MYOCD: variants seen among roughly 807,000 people sequenced by gnomAD.
MYOCD encodes myocardin.
MYOCD carries 32 observed loss-of-function variants against 96.1 expected under a neutral mutation model. The ratio of observed to expected loss-of-function variants is 0.33; its 90% CI spans 0.25 to 0.45. The LOEUF is 0.45. Among genes scored for constraint, MYOCD ranks in the 20% least tolerant of loss-of-function variants. The pLI is 1.00. For synonymous variants in MYOCD, 469 were observed against 469.0 expected (o/e 1.00, Z 0.00); for missense variants, 1,133 against 1,200.6 (o/e 0.94, Z 0.83).
At chr17:12,667,311 G>A (rs1434328809) in intron 1 of MYOCD, among the ~76,000 whole-genome samples, 2 of 152,170 alleles carry the variant, frequency 1.3e-5, no homozygotes, top group Non-Finnish European at 2.9e-5. Flanking sequence ...AGATGCCTGT[G>A]GAGTCAACTG....
At chr17:12,751,616 T>C (rs1279440969) in intron 9 of MYOCD, among the ~76,000 whole-genome samples, 1 of 152,216 alleles carries the variant, frequency 6.6e-6, no homozygotes, top group East Asian at 1.9e-4. Context: ...AAGTGCTTTA[T>C]ACATTTTAAG....
chr17:12,742,153 C>T (rs1350214915), intron 7 of MYOCD, among the ~76,000 whole-genome samples: 2 of 152,062 alleles, frequency 1.3e-5, no homozygotes, highest in East Asian at 1.9e-4. Flanking sequence ...GAGCTGGTTT[C>T]GGGAGCCCTG....
chr17:12,673,761 C>T (rs1467218045), intron 1 of MYOCD, among the ~76,000 whole-genome samples: 1 of 152,134 alleles, frequency 6.6e-6, no homozygotes, highest in African/African-American at 2.4e-5. Context: ...GTAATGATGG[C>T]TAGTGTTTTT....
At chr17:12,730,337 A>T (rs1018380805) in intron 5 of MYOCD, among the ~76,000 whole-genome samples, 1 of 151,856 alleles carries the variant, frequency 6.6e-6, no homozygotes, top group African/African-American at 2.4e-5. Flanking sequence ...AATCCCAGCT[A>T]CTTGGGAGGC....
chr17:12,702,969 A>G (rs1413619555), intron 1 of MYOCD, among the ~76,000 whole-genome samples: 1 of 151,970 alleles, frequency 6.6e-6, no homozygotes, highest in East Asian at 1.9e-4. Flanking sequence ...GACATTCTTT[A>G]TTCATTCCTG....
At chr17:12,735,474 A>G (rs541911897) in intron 5 of MYOCD, among the ~76,000 whole-genome samples, 71 of 152,230 alleles carry the variant, frequency 4.7e-4, no homozygotes, top group African/African-American at 1.5e-3. Flanking sequence ...AGGAATTCCA[A>G]AATAGACACA....
chr17:12,696,226 C>A (rs2030744602), intron 1 of MYOCD, among the ~76,000 whole-genome samples: 1 of 152,040 alleles, frequency 6.6e-6, no homozygotes, highest in Non-Finnish European at 1.5e-5. Flanking sequence ...GGTCCGCCCG[C>A]CTCGACCTCC....
intron 4 of MYOCD, among the ~76,000 whole-genome samples, chr17:12,721,099 T>A (rs1725986250): frequency 6.6e-6 from 1 of 152,064 alleles, no homozygotes; most frequent in Admixed American, 6.6e-5. Context: ...TGCACACTTT[T>A]TTTTTTTAGC....
chr17:12,713,956 T>C (rs953594532), intron 2 of MYOCD, among the ~76,000 whole-genome samples: 2 of 152,146 alleles, frequency 1.3e-5, no homozygotes, highest in African/African-American at 4.8e-5. Flanking sequence ...CAAAGATAAC[T>C]GAAAAACAAT....
At chr17:12,709,436 G>A (rs1254955160) in intron 2 of MYOCD, among the ~76,000 whole-genome samples, 1 of 152,116 alleles carries the variant, frequency 6.6e-6, no homozygotes, top group African/African-American at 2.4e-5. Flanking sequence ...TTGACTTTTA[G>A]TCAAGACAGG....
intron 7 of MYOCD, among the ~76,000 whole-genome samples, chr17:12,743,898 G>T (rs1387025114): frequency 2.0e-5 from 3 of 152,090 alleles, no homozygotes; most frequent in Non-Finnish European, 4.4e-5. Flanking sequence ...TGAAACACAG[G>T]ATTACATTTT....
At chr17:12,686,778 C>G (rs1436616697) in intron 1 of MYOCD, among the ~76,000 whole-genome samples, 1 of 152,134 alleles carries the variant, frequency 6.6e-6, no homozygotes, top group Non-Finnish European at 1.5e-5. Flanking sequence ...TGAAAGCCCA[C>G]CACCATCTGC....
rs758932814 is a variant in MYOCD at position 12,722,937 on chromosome 17, G to A, written c.344G>A (p.Arg115Gln). Reference sequence around the variant, plus strand: ...GATCTCAATGAAAAAATTGCTCTACGACCAGGGCCACTGGAGCTGGTGGAA... The same window carrying A: ...GATCTCAATGAAAAAATTGCTCTACAACCAGGGCCACTGGAGCTGGTGGAA... ...ADDLNEKIAL[R>Q]PGPLELVEKN... The change falls in exon 5 of 14, where the codon CGA becomes CAA. Residue 115 changes from arginine (R) to glutamine (Q), a missense_variant. Coordinates refer to ENST00000425538, the MANE Select transcript of MYOCD (RefSeq NM_001146312.3). 19 of 1,613,850 alleles carry A rather than the reference G, an allele frequency of 1.2e-5. No homozygotes were observed. Among genetic ancestry groups the A allele is most frequent in the Non-Finnish European group, 1.4e-5 (17 of 1,179,958 alleles).
At chr17:12,706,377 GT>G (rs2150675011) in intron 2 of MYOCD, among the ~76,000 whole-genome samples, 1 of 152,304 alleles carries the variant, frequency 6.6e-6, no homozygotes, top group South Asian at 2.1e-4. Context: ...TTCTTTGGAG[GT>G]GCTAAAGACA....
chr17:12,746,307 G>C (rs1204767120), intron 9 of MYOCD, among the ~76,000 whole-genome samples: 1 of 152,208 alleles, frequency 6.6e-6, no homozygotes, highest in African/African-American at 2.4e-5. Context: ...AAAAGAAAAG[G>C]AATTTATTTC....
intron 5 of MYOCD, among the ~76,000 whole-genome samples, chr17:12,734,230 T>C (rs1303251283): frequency 6.6e-6 from 1 of 152,126 alleles, no homozygotes; most frequent in Non-Finnish European, 1.5e-5. Context: ...AAGGTCCACA[T>C]GCATTTAGAC....
intron 10 of MYOCD, among the ~76,000 whole-genome samples, chr17:12,754,261 T>C (rs1041897119): frequency 2.0e-5 from 3 of 152,012 alleles, no homozygotes; most frequent in Non-Finnish European, 2.9e-5. Flanking sequence ...CACACCACCA[T>C]GCCTGGCTAT....
In MYOCD at chr17:12,746,088, T is replaced by A. The variant is rs771015330; in HGVS notation, c.1125+16T>A. On this transcript the variant is annotated intron_variant, in intron 9 of 13. Coordinates refer to ENST00000425538, the MANE Select transcript of MYOCD (RefSeq NM_001146312.3). Reference sequence around the variant, plus strand: ...TGATCTGAAGGTATAGGATTTGACATGAGTTTCTTTCTTTTTTTAAACAAA... The same window carrying A: ...TGATCTGAAGGTATAGGATTTGACAAGAGTTTCTTTCTTTTTTTAAACAAA... 8.7e-6 allele frequency: 14 copies of A among 1,610,478 alleles called. No homozygotes were observed. In the East Asian group the frequency reaches 1.6e-4, roughly 18 times the overall value.
chr17:12,677,896 G>GTTTTTTTTTTTTT (rs541655363), intron 1 of MYOCD, among the ~76,000 whole-genome samples: 1 of 129,356 alleles, frequency 7.7e-6, no homozygotes, highest in African/African-American at 2.9e-5. Context: ...TTTCTTTTTT[G>GTTTTTTTTTTTTT]TTTTTTTTTT....
Sources: allele counts gnomAD v4.1 joint callset (sites outside exome capture counted in the v4.1 genomes callset), GRCh38; gene constraint gnomAD v4.1.1; transcripts MANE v1.5; gene names NCBI Gene and HGNC (gene_info 2026-07-23, HGNC 2026-07-21).